The following SOX5 variants were observed in gnomAD, a reference collection of about 807,000 sequenced individuals.
SOX5 encodes transcription factor SOX-5.
Under a neutral mutation model 92.0 loss-of-function variants are expected in SOX5, and 9 were observed. That is an observed-to-expected ratio of 0.10 (90% CI 0.06 to 0.17). SOX5 has a LOEUF of 0.17. Ranked by LOEUF, SOX5 falls within the 10% of genes least tolerant of loss-of-function variation. The pLI, the probability that SOX5 is intolerant of heterozygous loss-of-function variation, is 1.00. For missense variants in SOX5, 642 were observed against 944.5 expected, an observed-to-expected ratio of 0.68 and a Z score of 4.20; for synonymous variants, 344 against 336.3, an observed-to-expected ratio of 1.02 and a Z score of -0.25.
intron 2 of SOX5, among the ~76,000 whole-genome samples, chr12:23,888,375 C>T (rs895019614): frequency 2.6e-5 from 4 of 151,956 alleles, no homozygotes; most frequent in African/African-American, 4.8e-5. Context: ...AGTAGACATT[C>T]ATTAAGTGTC....
chr12:24,049,581 G>T (rs1376963329), intron 4 of SOX5, among the ~76,000 whole-genome samples: 1 of 141,514 alleles, frequency 7.1e-6, no homozygotes, highest in Admixed American at 7.3e-5. Context: ...TTGTGGCAAA[G>T]AATCAGTAGG....
chr12:23,898,642 T>C (rs1481311010), intron 1 of SOX5, among the ~76,000 whole-genome samples: 1 of 152,242 alleles, frequency 6.6e-6, no homozygotes, highest in Non-Finnish European at 1.5e-5. Flanking sequence ...AAATTAACTT[T>C]CTATTTAACT....
At chr12:24,096,549 C>G (rs1945436784) in intron 4 of SOX5, among the ~76,000 whole-genome samples, 1 of 152,116 alleles carries the variant, frequency 6.6e-6, no homozygotes, top group Admixed American at 6.5e-5. Flanking sequence ...TGGAATTATA[C>G]AATATTTGTA....
chr12:23,897,270 T>C (rs1014495673), intron 1 of SOX5, among the ~76,000 whole-genome samples: 8 of 152,108 alleles, frequency 5.3e-5, no homozygotes, highest in Non-Finnish European at 8.8e-5. Context: ...CCTCTAATCA[T>C]TGATGAATAA....
At chr12:23,856,153 A>G (rs1476457739) in intron 2 of SOX5, among the ~76,000 whole-genome samples, 2 of 152,098 alleles carry the variant, frequency 1.3e-5, no homozygotes, top group Non-Finnish European at 2.9e-5. Context: ...TCCTGAACCC[A>G]CTTTAGCGGG....
chr12:24,375,118 G>A (rs1050818795), intron 1 of SOX5, among the ~76,000 whole-genome samples: 2 of 151,482 alleles, frequency 1.3e-5, no homozygotes, highest in African/African-American at 2.4e-5. Context: ...AACTACAGGC[G>A]CCCGCCACTA....
At chr12:24,550,321 A>G (rs1242144590) in intron 1 of SOX5, among the ~76,000 whole-genome samples, 1 of 152,204 alleles carries the variant, frequency 6.6e-6, no homozygotes, top group African/African-American at 2.4e-5. Flanking sequence ...TTCATGTCAT[A>G]AGAAGATAGC....
chr12:23,585,863 C>T (rs946968966), intron 9 of SOX5, among the ~76,000 whole-genome samples: 1 of 152,090 alleles, frequency 6.6e-6, no homozygotes, highest in Non-Finnish European at 1.5e-5. Context: ...TTGTCGCCCC[C>T]GTGTGTGGGT....
intron 1 of SOX5, among the ~76,000 whole-genome samples, chr12:24,395,760 G>C (rs1159818694): frequency 1.3e-5 from 2 of 152,152 alleles, no homozygotes; most frequent in Non-Finnish European, 2.9e-5. Context: ...TGACAGGCTG[G>C]TGCCTTGTCA....
intron 4 of SOX5, among the ~76,000 whole-genome samples, chr12:24,037,951 T>TA (rs1449482449): frequency 6.6e-6 from 1 of 152,136 alleles, no homozygotes; most frequent in African/African-American, 2.4e-5. Flanking sequence ...TTGAACGCAT[T>TA]AAAAAATCAT....
intron 6 of SOX5, among the ~76,000 whole-genome samples, chr12:23,667,246 G>A (rs937530449): frequency 6.6e-6 from 1 of 151,956 alleles, no homozygotes; most frequent in South Asian, 2.1e-4. Context: ...ATTGTTAATT[G>A]GTTATTATTT....
chr12:24,197,420 T>A (rs1393295946), intron 4 of SOX5, among the ~76,000 whole-genome samples: 1 of 152,078 alleles, frequency 6.6e-6, no homozygotes, highest in Non-Finnish European at 1.5e-5. Flanking sequence ...ATATTCTCTA[T>A]CCCTATTTTT....
At chr12:23,555,971 A>G (rs1945099571) in intron 11 of SOX5, among the ~76,000 whole-genome samples, 1 of 152,196 alleles carries the variant, frequency 6.6e-6, no homozygotes. Flanking sequence ...CAGCCTGTCG[A>G]GAATGTCGAT....
At chr12:24,010,854 G>T (rs979475764) in intron 4 of SOX5, among the ~76,000 whole-genome samples, 13 of 151,888 alleles carry the variant, frequency 8.6e-5, no homozygotes, top group African/African-American at 2.7e-4. Context: ...CCCAAGAATT[G>T]CTTGAACCTG....
intron 1 of SOX5, among the ~76,000 whole-genome samples, chr12:24,422,917 A>G (rs2136951224): frequency 6.6e-6 from 1 of 152,326 alleles, no homozygotes; most frequent in African/African-American, 2.4e-5. Flanking sequence ...AGGCTGAGGT[A>G]GAAGAATCGC....
chr12:24,203,339 G>A (rs1204321582), intron 4 of SOX5, among the ~76,000 whole-genome samples: 1 of 152,056 alleles, frequency 6.6e-6, no homozygotes, highest in Non-Finnish European at 1.5e-5. Context: ...TCTGGTTCTG[G>A]CCCTGGAATC....
intron 9 of SOX5, among the ~76,000 whole-genome samples, chr12:23,597,389 T>A (rs1456717170): frequency 3.3e-5 from 5 of 152,190 alleles, no homozygotes; most frequent in Non-Finnish European, 5.9e-5. Context: ...CCTAATGATC[T>A]ATTTGGACAT....
At chr12:24,017,956 G>A (rs1292583477) in intron 4 of SOX5, among the ~76,000 whole-genome samples, 2 of 152,168 alleles carry the variant, frequency 1.3e-5, no homozygotes, top group Non-Finnish European at 2.9e-5. Flanking sequence ...CCCCACTAAT[G>A]ATTAGGATCC....
chr12:24,469,782 C>T (rs1403261166), intron 1 of SOX5, among the ~76,000 whole-genome samples: 4 of 152,132 alleles, frequency 2.6e-5, no homozygotes, highest in African/African-American at 9.7e-5. Flanking sequence ...AGGATGAATG[C>T]TGCATACCAA....
Sources: allele counts gnomAD v4.1 joint callset (sites outside exome capture counted in the v4.1 genomes callset), GRCh38; gene constraint gnomAD v4.1.1; transcripts MANE v1.5; gene names NCBI Gene and HGNC (gene_info 2026-07-23, HGNC 2026-07-21).